Variants in NCOA2 observed in about 807,000 individuals in gnomAD.
NCOA2 encodes the protein class E basic helix-loop-helix protein 75.
Under a neutral mutation model 145.1 loss-of-function variants are expected in NCOA2, and 21 were observed. That is an observed-to-expected ratio of 0.14 (90% confidence interval 0.10 to 0.21). NCOA2 has a LOEUF of 0.21. Among genes scored for constraint, NCOA2 ranks in the 10% least tolerant of loss-of-function variants. The pLI, the probability that NCOA2 is intolerant of heterozygous loss-of-function variation, is 1.00. For missense variants in NCOA2, 1,472 were observed against 1,837.6 expected (o/e 0.80, Z 3.64); for synonymous variants, 619 against 637.5 (o/e 0.97, Z 0.44).
Position 70,128,965 on chromosome 8 carries a change from G to C in NCOA2, c.3340C>G (p.Pro1114Ala), listed in dbSNP as rs1808765527. 19 of 1,603,662 alleles carry C rather than the reference G, an allele frequency of 1.2e-5. No individual in the cohort carries two copies. Among genetic ancestry groups the C allele is most frequent in the Non-Finnish European group, 1.6e-5 (19 of 1,174,642 alleles). ...GAATCCTGACTTGAGAACTGTTCTG[G>C]ATCTACTGCTTGGCTCTGGAGAGAA... Reference protein sequence around the residue: ...ELVSQSQAVDPEQFSSQDSNI... With the variant: ...ELVSQSQAVDAEQFSSQDSNI... Residue 1114 changes from proline (P) to alanine (A), a missense_variant, in exon 17 of 23, where the codon CCA becomes GCA. Physicochemically the swap from Pro to Ala is conservative, Grantham distance 27 (BLOSUM62 -1). Around this residue, in one of 4 missense-constraint regions of NCOA2, gnomAD observed 953 missense variants for 1,062.1 expected, o/e 0.90. Coordinates refer to ENST00000452400, the MANE Select transcript of NCOA2 (RefSeq NM_006540.4).
chr8:70,213,504 A>C (rs1554595937), intron 4 of NCOA2, among the ~76,000 whole-genome samples: 1 of 152,154 alleles, frequency 6.6e-6, no homozygotes, highest in South Asian at 2.1e-4. Context: ...AAATATGCTG[A>C]CTAGCTGAAA....
chr8:70,415,252 C>A, the NCOA2 span, among the ~76,000 whole-genome samples: 1 of 152,116 alleles, frequency 6.6e-6, no homozygotes, highest in Admixed American at 6.5e-5. Context: ...TCGCTTGAAC[C>A]CAGGAGTTTG....
At chr8:70,449,516 C>G in the NCOA2 span, among the ~76,000 whole-genome samples, 3 of 152,174 alleles carry the variant, frequency 2.0e-5, no homozygotes, top group African/African-American at 7.2e-5. Flanking sequence ...GGAGAGGGAG[C>G]GAGCAAAGGA....
intron 4 of NCOA2, among the ~76,000 whole-genome samples, chr8:70,203,682 TTTTG>T (rs1416603556): frequency 6.6e-6 from 1 of 152,198 alleles, no homozygotes; most frequent in Non-Finnish European, 1.5e-5. Flanking sequence ...CTCTTATATC[TTTTG>T]TTTATTTCTA....
chr8:70,209,939 A>G (rs1283231359), intron 4 of NCOA2, among the ~76,000 whole-genome samples: 1 of 152,194 alleles, frequency 6.6e-6, no homozygotes. Context: ...TTAGCCTCCC[A>G]GTTAGGGAAA....
chr8:70,236,832 A>G (rs1033977883), intron 2 of NCOA2, among the ~76,000 whole-genome samples: 2 of 152,242 alleles, frequency 1.3e-5, no homozygotes, highest in South Asian at 2.1e-4. Flanking sequence ...GCCATTTCAT[A>G]TAAGGGACTT....
rs145016734 is a variant in NCOA2, at chr8:70,306,692, A to G, written c.-76-9892T>C. ...TCAGGAGCTCAAGATGAGCCTGGGC[A>G]ACAAGGCGAAACGTCGTCTCTACAA... is the stretch of plus-strand genomic sequence containing the variant. On this transcript the variant is annotated intron_variant, in intron 1 of 22. Coordinates refer to ENST00000452400, the MANE Select transcript of NCOA2 (RefSeq NM_006540.4). 4.7e-4 allele frequency among the ~76,000 whole-genome samples: 71 copies of G among 152,256 alleles called. No homozygotes were observed. The Middle Eastern group carries it at 0.01, about 22-fold the overall frequency.
chr8:70,123,861 G>A (rs767166088), intron 21 of NCOA2, 23 bp downstream of exon 21: 4 of 1,576,992 alleles, frequency 2.5e-6, no homozygotes, highest in Admixed American at 3.5e-5. Context: ...AAGCCACTGG[G>A]TTGCTTCTCC....
At chr8:70,269,268 G>A (rs1031548001) in intron 2 of NCOA2, among the ~76,000 whole-genome samples, 4 of 151,932 alleles carry the variant, frequency 2.6e-5, no homozygotes, top group South Asian at 4.2e-4. Context: ...TAAAGCAAAC[G>A]TGGGCAGGAC....
At chr8:70,363,079 T>TAAAAA (rs777122942) in intron 1 of NCOA2, among the ~76,000 whole-genome samples, 6 of 99,782 alleles carry the variant, frequency 6.0e-5, no homozygotes, top group African/African-American at 2.5e-4. Flanking sequence ...ACTCTGTCTT[T>TAAAAA]AAAAAAAAAA....
At chr8:70,267,826 T>A (rs1408534240) in intron 2 of NCOA2, among the ~76,000 whole-genome samples, 1 of 152,226 alleles carries the variant, frequency 6.6e-6, no homozygotes, top group African/African-American at 2.4e-5. Context: ...TAGGTATTTA[T>A]AACCTTGCTA....
intron 4 of NCOA2, among the ~76,000 whole-genome samples, chr8:70,191,400 CA>C (rs1444229897): frequency 6.6e-6 from 1 of 152,168 alleles, no homozygotes; most frequent in Non-Finnish European, 1.5e-5. Context: ...AGTCAAAAGA[CA>C]GACAGGGTGG....
chr8:70,391,935 C>T (rs1383535898), intron 1 of NCOA2, among the ~76,000 whole-genome samples: 1 of 152,194 alleles, frequency 6.6e-6, no homozygotes, highest in African/African-American at 2.4e-5. Context: ...GATTTTAAGA[C>T]AATGCACTTT....
chr8:70,424,592 G>A, the NCOA2 span: 46 of 476,010 alleles, frequency 9.7e-5, 1 homozygote, highest in Admixed American at 7.8e-4. Flanking sequence ...CAGCACAAGC[G>A]GCGGTGTGCA....
intron 4 of NCOA2, among the ~76,000 whole-genome samples, chr8:70,188,068 T>A (rs1816274136): frequency 6.6e-6 from 1 of 152,202 alleles, no homozygotes; most frequent in Admixed American, 6.5e-5. Context: ...ATGACTGATG[T>A]GACAGCTGGG....
chr8:70,403,346 C>A (rs1814554551), intron 1 of NCOA2, among the ~76,000 whole-genome samples: 1 of 151,348 alleles, frequency 6.6e-6, no homozygotes, highest in Non-Finnish European at 1.5e-5. Flanking sequence ...CTCGCCCGCG[C>A]CGCGGGCTGC....
intron 1 of NCOA2, among the ~76,000 whole-genome samples, chr8:70,340,329 CAT>C (rs1361019634): frequency 1.3e-5 from 2 of 152,096 alleles, no homozygotes; most frequent in Admixed American, 1.3e-4. Context: ...AGCCAACAAA[CAT>C]ATGAAAAAAA....
the NCOA2 span, among the ~76,000 whole-genome samples, chr8:70,455,280 G>A: frequency 6.6e-6 from 1 of 152,170 alleles, no homozygotes; most frequent in South Asian, 2.1e-4. Flanking sequence ...GAGTTAAGCA[G>A]GTTGCATGTA....
chr8:70,120,798 T>A (rs1431629425), intron 22 of NCOA2, among the ~76,000 whole-genome samples: 1 of 151,932 alleles, frequency 6.6e-6, no homozygotes, highest in African/African-American at 2.4e-5. Context: ...AATAACACAA[T>A]AATGTAAATA....
Sources: allele counts gnomAD v4.1 joint callset (sites outside exome capture counted in the v4.1 genomes callset), GRCh38; gene constraint gnomAD v4.1.1; regional missense constraint gnomAD v4.1.1; transcripts MANE v1.5; gene names NCBI Gene and HGNC (gene_info 2026-07-23, HGNC 2026-07-21).